The following SLC5A2 variants were observed in gnomAD, a reference collection of about 807,000 sequenced individuals.
SLC5A2 encodes the protein solute carrier family 5 member 2.
A neutral mutation model predicts 69.0 loss-of-function variants in SLC5A2; 67 were observed. That is an observed-to-expected ratio of 0.97 (90% CI 0.80 to 1.19). The LOEUF (loss-of-function observed/expected upper bound fraction) is 1.19. SLC5A2 is among the 50% of genes most tolerant of loss of function. The pLI is 0.00. For missense variants in SLC5A2, 1,001 were observed against 921.5 expected, an observed-to-expected ratio of 1.09 and a Z score of -1.12; for synonymous variants, 455 against 395.8, an observed-to-expected ratio of 1.15 and a Z score of -1.78.
chr16:31,485,575 C>G, intron 3 of SLC5A2, 154 bp from the exon 4 acceptor site: 1 of 839,776 alleles, frequency 1.2e-6, no homozygotes, highest in East Asian at 2.5e-5. Context: ...TTCCTTGGTG[C>G]CCAGGGCCCC....
At chr16:31,489,099 C>G (rs1470007650) in intron 11 of SLC5A2, 24 bp from the exon 12 acceptor site, 1 of 1,605,316 alleles carries the variant, frequency 6.2e-7, no homozygotes, top group Admixed American at 1.7e-5. Context: ...ACATCCTCAG[C>G]AGGCTGACCT....
intron 13 of SLC5A2, 23 bp from the exon 14 acceptor site, chr16:31,490,286 T>C (rs1436080482): frequency 1.2e-6 from 2 of 1,613,484 alleles, no homozygotes; most frequent in Admixed American, 1.7e-5. Flanking sequence ...GCAAACTAAC[T>C]GCAGGGCCTC....
chr16:31,487,024 G>T (rs930109134), intron 5 of SLC5A2, among the ~76,000 whole-genome samples: 1 of 151,276 alleles, frequency 6.6e-6, no homozygotes, highest in African/African-American at 2.4e-5. Context: ...CAGCCTGGGC[G>T]ACAGGGCAAG....
intron 5 of SLC5A2, among the ~76,000 whole-genome samples, chr16:31,486,755 A>G (rs2142622233): frequency 6.6e-6 from 1 of 152,216 alleles, no homozygotes; most frequent in East Asian, 1.9e-4. Flanking sequence ...ATGACGCAGA[A>G]AAAACTGGGG....
intron 5 of SLC5A2, among the ~76,000 whole-genome samples, chr16:31,486,627 C>A (rs1308933881): frequency 1.3e-5 from 2 of 152,174 alleles, no homozygotes; most frequent in African/African-American, 4.8e-5. Flanking sequence ...TGGGGTGGGG[C>A]CTGAGGTCAG....
At chr16:31,489,423 A>C in intron 12 of SLC5A2, 85 bp downstream of exon 12, 1 of 1,259,614 alleles carries the variant, frequency 7.9e-7, no homozygotes, top group Non-Finnish European at 1.1e-6. Context: ...GGAGGACCTG[A>C]ATTTCTCGAC....
At position 31,489,335 on chromosome 16, in the gene SLC5A2, G is replaced by C. The variant is rs774054270; in HGVS notation, c.1662G>C (p.Lys554Asn). 1 of 1,607,404 alleles carries C rather than the reference G, an allele frequency of 6.2e-7. No individual in the cohort carries two copies. The highest frequency in any genetic ancestry group is 1.1e-5 in the South Asian group (1 of 91,060). The change falls in exon 12 of 14, where the codon AAG becomes AAC. Residue 554 changes from lysine to asparagine, a missense_variant. Transcript: ENST00000330498. ...TGTGCACCGCGCCCATCCCCAGAAA[G>C]CACGTGAGTGGCCAGGTGCCCCAGG... is the stretch of plus-strand genomic sequence containing the variant. ...VSLCTAPIPR[K>N]HLHRLVFSLR...
Position 31,489,153 on chromosome 16 carries a change from C to T in SLC5A2, c.1480C>T (p.Leu494=), listed in dbSNP as rs1404774070. 6.2e-7 allele frequency: 1 copy of T among 1,609,708 alleles called. No homozygotes were observed. Among genetic ancestry groups the T allele is most frequent in the Admixed American group, 1.7e-5 (1 of 60,026 alleles). ...GAFWGLIGGL[L]MGLARLIPEF... ...CTTCTGGGGACTCATCGGGGGCCTGCTGATGGGCCTGGCACGCCTGATTCC... is the reference window on the plus strand; with the variant it reads ...CTTCTGGGGACTCATCGGGGGCCTGTTGATGGGCCTGGCACGCCTGATTCC... Residue 494 remains leucine, a synonymous_variant, in exon 12 of 14, where the codon CTG becomes TTG. Coordinates refer to ENST00000330498, the MANE Select transcript of SLC5A2 (RefSeq NM_003041.4).
intron 3 of SLC5A2, 21 bp downstream of exon 3, chr16:31,484,944 A>G (rs763212837): frequency 8.7e-6 from 14 of 1,602,842 alleles, no homozygotes; most frequent in African/African-American, 1.3e-5. Context: ...CTTTTTTCCA[A>G]TAACCCCACC....
intron 7 of SLC5A2, 58 bp from the exon 8 acceptor site, chr16:31,487,980 G>C: frequency 6.2e-7 from 1 of 1,602,434 alleles, no homozygotes; most frequent in East Asian, 2.2e-5. Context: ...GCGGAACGGG[G>C]CGCGGGGCGG....
At position 31,490,146 on chromosome 16, in the gene SLC5A2, C is replaced by T. The variant is rs763557593; in HGVS notation, c.1708C>T (p.Arg570Trp). The change falls in exon 13 of 14, where the codon CGG becomes TGG. Residue 570 changes from arginine (R) to tryptophan (W), a missense_variant. Transcript: ENST00000330498. ...VFSLRHSKEE[R>W]EDLDADEQQG... ...CAGTCTCCGGCATAGCAAGGAGGAACGGGAGGACCTGGATGCTGATGAGCA... is the reference window on the plus strand; with the variant it reads ...CAGTCTCCGGCATAGCAAGGAGGAATGGGAGGACCTGGATGCTGATGAGCA... The T allele has an allele frequency of 9.9e-6, 16 of 1,614,026 alleles. No homozygotes were observed. The highest frequency in any genetic ancestry group is 6.7e-5 in the Admixed American group (4 of 60,006).
At position 31,489,078 on chromosome 16, in the gene SLC5A2, G is replaced by C. The variant is rs367687345; in HGVS notation, c.1449+30G>C. 5.0e-6 allele frequency: 8 copies of C among 1,603,024 alleles called. No homozygotes were observed. In the African/African-American group the frequency reaches 9.3e-5, roughly 19 times the overall value. On this transcript the variant is annotated intron_variant, in intron 11 of 13. Coordinates refer to ENST00000330498, the MANE Select transcript of SLC5A2 (RefSeq NM_003041.4). ...GCGGCACGCGCGTGGTGACGGCAGGGCTGGGCTTGCACATCCTCAGCAGGC... is the reference window on the plus strand; with the variant it reads ...GCGGCACGCGCGTGGTGACGGCAGGCCTGGGCTTGCACATCCTCAGCAGGC...
chr16:31,487,765 G>C lies in SLC5A2; in HGVS notation c.885+6G>C. ...GGTACTGGTGCAGCGACCAGGTGCG[G>C]GTATAGGGCTGCGCCTGCAGTGAGG... On this transcript the variant is annotated splice_donor_region_variant and intron_variant, in intron 7 of 13. Coordinates refer to ENST00000330498, the MANE Select transcript of SLC5A2 (RefSeq NM_003041.4). 1 of 1,604,642 alleles carries C rather than the reference G, an allele frequency of 6.2e-7. No homozygotes were observed. The highest frequency in any genetic ancestry group is 1.1e-5 in the South Asian group (1 of 90,720).
chr16:31,485,967 G>A (rs2082492293), intron 4 of SLC5A2, 74 bp downstream of exon 4: 7 of 1,549,430 alleles, frequency 4.5e-6, no homozygotes, highest in Non-Finnish European at 6.2e-6. Flanking sequence ...GAACCCTAGA[G>A]GGCGTGAGAC....
In SLC5A2 at chr16:31,489,297, C is replaced by T. The variant is rs754404838; in HGVS notation, c.1624C>T (p.Leu542Phe). The change falls in exon 12 of 14, where the codon CTC becomes TTC. Residue 542 changes from leucine (L) to phenylalanine (F), a missense_variant. Transcript: ENST00000330498. The part of the protein sequence containing the change: ...VLFFCSGLLT[L>F]TVSLCTAPIP... Reference sequence around the variant, plus strand: ...GTTCTTCTGCTCTGGCCTCCTCACCCTCACGGTCTCCCTGTGCACCGCGCC... The same window carrying T: ...GTTCTTCTGCTCTGGCCTCCTCACCTTCACGGTCTCCCTGTGCACCGCGCC... The T allele has an allele frequency of 4.3e-6, 7 of 1,610,500 alleles. No individual in the cohort carries two copies. The highest frequency in any genetic ancestry group is 5.9e-6 in the Non-Finnish European group (7 of 1,180,012).
rs368649902 is a variant in SLC5A2, at chr16:31,490,322, G to C, written c.1806G>C (p.Pro602=). ...SAMEMNEPQA[P]APSLFRQCLL... is the part of the protein sequence containing the mutation. ...AATTTCCCTCAGAGCCCCAGGCCCCGGCACCAAGCCTCTTCCGCCAGTGCC... is the reference window on the plus strand; with the variant it reads ...AATTTCCCTCAGAGCCCCAGGCCCCCGCACCAAGCCTCTTCCGCCAGTGCC... The change falls in exon 14 of 14, where the codon CCG becomes CCC. Residue 602 remains proline, a synonymous_variant. Coordinates refer to ENST00000330498, the MANE Select transcript of SLC5A2 (RefSeq NM_003041.4). The C allele has an allele frequency of 9.9e-6, 16 of 1,611,998 alleles. No individual in the cohort carries two copies. The highest frequency in any genetic ancestry group is 1.4e-5 in the Non-Finnish European group (16 of 1,179,288).
intron 7 of SLC5A2, 34 bp downstream of exon 7, chr16:31,487,793 G>A (rs770175118): frequency 5.1e-6 from 8 of 1,570,990 alleles, no homozygotes; most frequent in East Asian, 4.6e-5. Flanking sequence ...CAGTGAGGCC[G>A]GGGCGGAGCC....
chr16:31,488,043 C>G lies in SLC5A2; in HGVS notation c.891C>G (p.Ile297Met). ...SGWYWCSDQV[I>M]VQRCLAGKSL... ...GCTGAACGCCCCTCCCGTAGGTCAT[C>G]GTGCAGCGCTGCCTGGCCGGGAAGA... Residue 297 changes from isoleucine to methionine, a missense_variant, in exon 8 of 14, where the codon ATC becomes ATG. By Grantham distance (10) the Ile-to-Met change is conservative (BLOSUM62 1). Coordinates refer to ENST00000330498, the MANE Select transcript of SLC5A2 (RefSeq NM_003041.4). The G allele has an allele frequency of 6.2e-7, 1 of 1,613,576 alleles. No homozygotes were observed. The highest frequency in any genetic ancestry group is 8.5e-7 in the Non-Finnish European group (1 of 1,179,920).
Position 31,488,882 on chromosome 16 carries a change from T to G in SLC5A2, c.1283T>G (p.Leu428Arg), listed in dbSNP as rs763707276. 3 of 1,605,188 alleles carry G rather than the reference T, an allele frequency of 1.9e-6. No homozygotes were observed. Among genetic ancestry groups the G allele is most frequent in the African/African-American group, 2.7e-5 (2 of 75,012 alleles). The part of the protein sequence containing the change: ...GDRELLLVGR[L>R]WVVFIVVVSV... ...CGATCCGACGGCCTCCGCCGCAGGC[T>G]CTGGGTGGTGTTCATCGTGGTAGTG... The change falls in exon 11 of 14, where the codon CTC (leucine) becomes CGC (arginine). Residue 428 changes from leucine (L) to arginine (R), a missense_variant and splice_region_variant. Coordinates refer to ENST00000330498, the MANE Select transcript of SLC5A2 (RefSeq NM_003041.4).
Sources: gnomAD v4.1 joint callset for allele counts (sites outside exome capture counted in the v4.1 genomes callset) on GRCh38, gnomAD v4.1.1 for gene constraint, MANE v1.5 for transcripts, NCBI Gene and HGNC (gene_info 2026-07-23, HGNC 2026-07-21) for gene names.